UTP15: variants seen among roughly 807,000 people sequenced by gnomAD.
UTP15 encodes U3 small nucleolar RNA-associated protein 15 homolog.
A neutral mutation model predicts 59.1 loss-of-function variants in UTP15; 5 were observed. The observed-to-expected ratio is 0.08, with a 90% CI of 0.04 to 0.18. The LOEUF (loss-of-function observed/expected upper bound fraction) is 0.18. Among genes scored for constraint, UTP15 ranks in the 10% least tolerant of loss-of-function variants. The pLI is 1.00. For missense variants in UTP15, 494 were observed against 616.7 expected (o/e 0.80, Z 2.11); for synonymous variants, 211 against 212.2 (o/e 0.99, Z 0.05).
chr5:73,568,407 T>C lies in UTP15; in HGVS notation c.184-13T>C. 3 of 1,603,464 alleles carry C rather than the reference T, an allele frequency of 1.9e-6. No individual in the cohort carries two copies. The highest frequency in any genetic ancestry group is 2.6e-6 in the Non-Finnish European group (3 of 1,175,186). On this transcript the variant is annotated splice_polypyrimidine_tract_variant and intron_variant, in intron 3 of 12. Coordinates refer to ENST00000296792, the MANE Select transcript of UTP15 (RefSeq NM_032175.4). ...TTGAGCCATCTGGTGAAATACTGTT[T>C]TTCATCTTGTAGATTCACATTTATG...
At chr5:73,574,852 T>C (rs1561278253) in intron 7 of UTP15, among the ~76,000 whole-genome samples, 1 of 152,222 alleles carries the variant, frequency 6.6e-6, no homozygotes, top group Non-Finnish European at 1.5e-5. Context: ...TGAAAAACTT[T>C]AGTTTTCAGC....
chr5:73,579,471 GC>G (rs1748230999), intron 12 of UTP15, 96 bp downstream of exon 12: 2 of 961,078 alleles, frequency 2.1e-6, no homozygotes, highest in African/African-American at 1.7e-5. Flanking sequence ...AAAATATCTT[GC>G]TTTTATCAAA....
rs1253933462 is a variant in UTP15 at position 73,576,935 on chromosome 5, CT to C, written c.810-13del. ...GTTTTCAAGGTGATTTTTGACAAAG[CT>C]TTTCCTTTTTATTAGGAAGGTGAAA... is the stretch of plus-strand genomic sequence containing the variant. On this transcript the variant is annotated splice_polypyrimidine_tract_variant and intron_variant, in intron 7 of 12. Transcript: ENST00000296792. The C allele has an allele frequency of 6.4e-7, 1 of 1,555,730 alleles. No homozygotes were observed.
intron 12 of UTP15, 95 bp downstream of exon 12, chr5:73,579,470 T>G (rs1423039229): frequency 2.1e-6 from 2 of 968,436 alleles, no homozygotes; most frequent in Non-Finnish European, 3.1e-6. Flanking sequence ...CAAAATATCT[T>G]GCTTTTATCA....
intron 6 of UTP15, among the ~76,000 whole-genome samples, chr5:73,571,828 G>A (rs1457279036): frequency 1.3e-5 from 2 of 152,142 alleles, no homozygotes; most frequent in African/African-American, 4.8e-5. Flanking sequence ...TACTTTTCTT[G>A]CTGTTATTCT....
At chr5:73,570,551 C>T (rs548640870) in intron 5 of UTP15, 35 bp from the exon 6 acceptor site, 2 of 1,606,926 alleles carry the variant, frequency 1.2e-6, no homozygotes, top group East Asian at 4.5e-5. Flanking sequence ...TTGTTTTAAA[C>T]AGTCAAACTA....
In UTP15 at chr5:73,569,545, T is replaced by G; in HGVS notation, c.417T>G (p.Ser139=). 1.2e-6 allele frequency: 2 copies of G among 1,613,404 alleles called. No homozygotes were observed. Among genetic ancestry groups the G allele is most frequent in the Non-Finnish European group, 8.5e-7 (1 of 1,179,686 alleles). The change falls in exon 5 of 13, where the codon TCT becomes TCG. Residue 139 remains serine (S), a synonymous_variant. Coordinates refer to ENST00000296792, the MANE Select transcript of UTP15 (RefSeq NM_032175.4). ...CAGCTGACAAATATCACGTGGTCTC[T>G]GGGGCTGATGATTATACAGTTAAAT... ...DFTADKYHVV[S]GADDYTVKLW...
Position 73,577,024 on chromosome 5 carries a change from T to C in UTP15, c.882T>C (p.Ser294=). 1.9e-6 allele frequency: 3 copies of C among 1,611,090 alleles called. No homozygotes were observed. Among genetic ancestry groups the C allele is most frequent in the Non-Finnish European group, 2.5e-6 (3 of 1,179,088 alleles). The change falls in exon 8 of 13, where the codon AGT becomes AGC. Residue 294 remains serine (S), a synonymous_variant. Coordinates refer to ENST00000296792, the MANE Select transcript of UTP15 (RefSeq NM_032175.4). ...TTGATTATGCAGCTTCAATTTTGAGTCTTGCCCTTGCAGTAAGTACCTTTA... is the reference window on the plus strand; with the variant it reads ...TTGATTATGCAGCTTCAATTTTGAGCCTTGCCCTTGCAGTAAGTACCTTTA... ...HSFDYAASIL[S]LALAHEDETI... is the part of the protein sequence containing the mutation.
At chr5:73,577,738 TG>T in intron 8 of UTP15, 117 bp from the exon 9 acceptor site, 3 of 834,142 alleles carry the variant, frequency 3.6e-6, no homozygotes, top group Non-Finnish European at 5.5e-6. Context: ...TGTATTTGAA[TG>T]GAACTGTTGG....
rs1748217987 is a variant in UTP15 at position 73,579,098 on chromosome 5, C to T, written c.1228C>T (p.Leu410Phe). The T allele has an allele frequency of 6.2e-7, 1 of 1,613,966 alleles. No individual in the cohort carries two copies. The highest frequency in any genetic ancestry group is 1.7e-5 in the Admixed American group (1 of 60,000). ...LNRRGVLANA[L>F]AGRDEKEISH... is the part of the protein sequence containing the mutation. ...TCGAAGAGGAGTCCTTGCAAATGCG[C>T]TTGCAGGTCGGGATGAGAAGGAAAT... The change falls in exon 11 of 13, where the codon CTT becomes TTT. Residue 410 changes from leucine (L) to phenylalanine (F), a missense_variant. Coordinates refer to ENST00000296792, the MANE Select transcript of UTP15 (RefSeq NM_032175.4).
Position 73,579,487 on chromosome 5 carries a change from A to T in UTP15, c.1339+112A>T, listed in dbSNP as rs548227675. On this transcript the variant is annotated intron_variant, in intron 12 of 12. Coordinates refer to ENST00000296792, the MANE Select transcript of UTP15 (RefSeq NM_032175.4). ...AAATATCTTGCTTTTATCAAATCTCAATATGGATTTTCATGGAGAAAACAA... is the reference window on the plus strand; with the variant it reads ...AAATATCTTGCTTTTATCAAATCTCTATATGGATTTTCATGGAGAAAACAA... 7 of 842,122 alleles carry T rather than the reference A, an allele frequency of 8.3e-6. No homozygotes were observed. The African/African-American group carries it at 1.2e-4, about 14-fold the overall frequency. The allele number at this position is 842,122 out of a possible 1,614,324, so 52.2% of individuals were successfully genotyped here.
At position 73,565,931 on chromosome 5, in the gene UTP15, C is replaced by G. The variant is rs1000316267; in HGVS notation, c.-84+19C>G. On this transcript the variant is annotated intron_variant, in intron 1 of 12. Coordinates refer to ENST00000296792, the MANE Select transcript of UTP15 (RefSeq NM_032175.4). ...AGTGGAGGTAGGTGAAGGCGGCTCCCATTGAGGGAAGCCCACACTCACACC... is the reference window on the plus strand; with the variant it reads ...AGTGGAGGTAGGTGAAGGCGGCTCCGATTGAGGGAAGCCCACACTCACACC... 1.1e-5 allele frequency: 5 copies of G among 455,516 alleles called. No individual in the cohort carries two copies. Among genetic ancestry groups the G allele is most frequent in the Non-Finnish European group, 2.2e-5 (5 of 226,578 alleles). The allele number at this position is 455,516 out of a possible 1,614,324, so 28.2% of individuals were successfully genotyped here.
In UTP15 at chr5:73,579,392, A is replaced by T; in HGVS notation, c.1339+17A>T. The T allele has an allele frequency of 1.3e-6, 2 of 1,584,438 alleles. No homozygotes were observed. The highest frequency in any genetic ancestry group is 1.7e-6 in the Non-Finnish European group (2 of 1,163,766). On this transcript the variant is annotated intron_variant, in intron 12 of 12. Transcript: ENST00000296792. ...TAATTATTGGTAAGTCATTGTTAAA[A>T]CTTGAAAATCCTAACATGCTTGCAA...
At chr5:73,572,660 T>C (rs781594524) in intron 7 of UTP15, 36 bp downstream of exon 7, 26 of 1,588,788 alleles carry the variant, frequency 1.6e-5, no homozygotes, top group South Asian at 3.4e-5. Flanking sequence ...TTATTATTAG[T>C]GTACACCTGT....
chr5:73,575,084 TG>T lies in UTP15; in HGVS notation c.810-1866del, dbSNP rs1458552927. The stretch of plus-strand genomic sequence containing the variant: ...AAATTCTGTATTGTTTATATATTTA[TG>T]GATATTTTCAATCCATGGTTGGTTG... On this transcript the variant is annotated intron_variant, in intron 7 of 12. Transcript: ENST00000296792. Among the ~76,000 whole-genome samples the T allele has an allele frequency of 3.3e-5, 5 of 152,340 alleles. No individual in the cohort carries two copies. In the East Asian group the frequency reaches 9.6e-4, roughly 29 times the overall value.
At position 73,582,708 on chromosome 5, in the gene UTP15, T is replaced by C. The variant is rs960284805; in HGVS notation, c.*2614T>C. ...CCAGCAGGAATGGTTATTATATTCA[T>C]TGAGATAAACTGTAGTATTTGCTGT... On this transcript the variant is annotated 3_prime_UTR_variant, in exon 13 of 13. Transcript: ENST00000296792. 6.6e-6 allele frequency: 1 copy of C among 152,250 alleles called. No homozygotes were observed. The highest frequency in any genetic ancestry group is 2.1e-4 in the South Asian group (1 of 4,836). The allele number at this position is 152,250 out of a possible 1,614,324, so 9.4% of individuals were successfully genotyped here.
intron 7 of UTP15, among the ~76,000 whole-genome samples, chr5:73,573,825 T>C (rs1187629787): frequency 6.7e-6 from 1 of 148,318 alleles, no homozygotes; most frequent in African/African-American, 2.5e-5. Flanking sequence ...CCACTCACCT[T>C]GGCCTCCCAA....
chr5:73,567,030 A>G (rs1166558610), intron 1 of UTP15, among the ~76,000 whole-genome samples: 1 of 152,192 alleles, frequency 6.6e-6, no homozygotes, highest in African/African-American at 2.4e-5. Context: ...AGTGTTGTAA[A>G]ATGGTTGGCT....
At position 73,582,950 on chromosome 5, in the gene UTP15, G is replaced by C. The variant is rs560314061; in HGVS notation, c.*2856G>C. On this transcript the variant is annotated 3_prime_UTR_variant, in exon 13 of 13. Transcript: ENST00000296792. ...TTTATGAGATTTAAGCACTTGGGAA[G>C]GTTTATGCTAATGGGGTCAAGCATT... 6.6e-6 allele frequency: 1 copy of C among 152,126 alleles called. No individual in the cohort carries two copies. The highest frequency in any genetic ancestry group is 6.5e-5 in the Admixed American group (1 of 15,272). The allele number at this position is 152,126 out of a possible 1,614,324, so 9.4% of individuals were successfully genotyped here.
Sources: allele counts gnomAD v4.1 joint callset (sites outside exome capture counted in the v4.1 genomes callset), GRCh38; gene constraint gnomAD v4.1.1; transcripts MANE v1.5; gene names NCBI Gene and HGNC (gene_info 2026-07-23, HGNC 2026-07-21).